PPP1CB: variants seen among roughly 807,000 people sequenced by gnomAD.
PPP1CB encodes serine/threonine-protein phosphatase PP1-beta catalytic subunit.
A neutral mutation model predicts 43.7 loss-of-function variants in PPP1CB; 2 were observed. The ratio of observed to expected loss-of-function variants is 0.05; its 90% confidence interval spans 0.02 to 0.14. PPP1CB has a LOEUF of 0.14. Ranked by LOEUF, PPP1CB falls within the 10% of genes least tolerant of loss-of-function variation. PPP1CB has a pLI of 1.00. For synonymous variants in PPP1CB, 136 were observed against 135.6 expected, an observed-to-expected ratio of 1.00 and a Z score of -0.02; for missense variants, 84 against 398.0, an observed-to-expected ratio of 0.21 and a Z score of 6.71.
intron 1 of PPP1CB, among the ~76,000 whole-genome samples, chr2:28,770,799 A>C (rs1037842552): frequency 6.6e-6 from 1 of 152,200 alleles, no homozygotes; most frequent in African/African-American, 2.4e-5. Context: ...AATATGTATG[A>C]AACATTTACT....
At chr2:28,780,588 A>G (rs555535425) in intron 3 of PPP1CB, among the ~76,000 whole-genome samples, 69 of 152,290 alleles carry the variant, frequency 4.5e-4, no homozygotes, top group Non-Finnish European at 8.8e-4. Context: ...AAGATAGGCA[A>G]GAATGTCTTT....
At chr2:28,782,009 T>A in intron 4 of PPP1CB, 167 bp downstream of exon 4, 2 of 654,656 alleles carry the variant, frequency 3.1e-6, no homozygotes, top group Non-Finnish European at 5.4e-6. Context: ...TAGAAATTTA[T>A]TTATAAATGA....
intron 1 of PPP1CB, among the ~76,000 whole-genome samples, chr2:28,774,024 GT>G (rs998732630): frequency 4.6e-5 from 7 of 152,278 alleles, no homozygotes; most frequent in African/African-American, 1.7e-4. Flanking sequence ...AATATAAAAA[GT>G]TTCTGTGCAG....
intron 1 of PPP1CB, among the ~76,000 whole-genome samples, chr2:28,758,112 A>G (rs1177899897): frequency 6.7e-6 from 1 of 150,254 alleles, no homozygotes; most frequent in Non-Finnish European, 1.5e-5. Context: ...TGGCATGAAC[A>G]TGGCTCACCT....
chr2:28,793,377 C>T (rs897735202), intron 6 of PPP1CB, among the ~76,000 whole-genome samples: 2 of 143,438 alleles, frequency 1.4e-5, no homozygotes, highest in African/African-American at 5.0e-5. Flanking sequence ...AAGAAGTAAG[C>T]TCTTCGCAAA....
Position 28,781,808 on chromosome 2 carries a change from C to T in PPP1CB, c.486C>T (p.Ala162=). ...TDCFNCLPIA[A]IVDEKIFCCH... is the part of the protein sequence containing the mutation. Reference sequence around the variant, plus strand: ...GTTTTAACTGTCTGCCTATAGCAGCCATTGTGGATGAGAAGATCTTCTGTT... The same window carrying T: ...GTTTTAACTGTCTGCCTATAGCAGCTATTGTGGATGAGAAGATCTTCTGTT... Residue 162 remains alanine, a synonymous_variant, in exon 4 of 8, where the codon GCC becomes GCT. Coordinates refer to ENST00000395366, the MANE Select transcript of PPP1CB (RefSeq NM_002709.3). 6.2e-7 allele frequency: 1 copy of T among 1,612,646 alleles called. No homozygotes were observed. Among genetic ancestry groups the T allele is most frequent in the Non-Finnish European group, 8.5e-7 (1 of 1,179,282 alleles).
At chr2:28,783,580 A>G (rs1334006705) in intron 4 of PPP1CB, among the ~76,000 whole-genome samples, 1 of 152,098 alleles carries the variant, frequency 6.6e-6, no homozygotes, top group Non-Finnish European at 1.5e-5. Flanking sequence ...ACATGGTGAA[A>G]CCCCGTCTCT....
chr2:28,793,769 G>A (rs1444008626), intron 6 of PPP1CB, 94 bp from the exon 7 acceptor site: 2 of 1,383,846 alleles, frequency 1.4e-6, no homozygotes, highest in Non-Finnish European at 2.0e-6. Context: ...GGGTGAGGTG[G>A]GGCACAGTCT....
At chr2:28,773,173 A>T (rs909994889) in intron 1 of PPP1CB, among the ~76,000 whole-genome samples, 1 of 152,230 alleles carries the variant, frequency 6.6e-6, no homozygotes, top group Non-Finnish European at 1.5e-5. Flanking sequence ...CCATAAAGTT[A>T]GTATACTATA....
In PPP1CB at chr2:28,791,643, T is replaced by TATAA. The variant is rs757970806; in HGVS notation, c.745-2219_745-2218insTAAA. 2.4e-4 allele frequency among the ~76,000 whole-genome samples: 37 copies of TATAA among 152,334 alleles called. No homozygotes were observed. In the East Asian group the frequency reaches 6.6e-3, roughly 27 times the overall value. On this transcript the variant is annotated intron_variant, in intron 6 of 7. Coordinates refer to ENST00000395366, the MANE Select transcript of PPP1CB (RefSeq NM_002709.3). ...TCGCCCGGCCTGACAAATAGTTTTT[T>TATAA]AAATCAGTAAAACTGTGTTTATGAT... is the stretch of plus-strand genomic sequence containing the variant.
At chr2:28,799,095 G>T in intron 7 of PPP1CB, 104 bp from the exon 8 acceptor site, 1 of 730,250 alleles carries the variant, frequency 1.4e-6, no homozygotes, top group Non-Finnish European at 2.3e-6. Flanking sequence ...CATTTTTATT[G>T]CATTTTTGCA....
intron 6 of PPP1CB, among the ~76,000 whole-genome samples, chr2:28,792,491 C>T (rs1312913009): frequency 6.6e-6 from 1 of 152,156 alleles, no homozygotes; most frequent in African/African-American, 2.4e-5. Context: ...CACTACACTC[C>T]AGCCTAGGCA....
chr2:28,779,644 C>T (rs1056250863), intron 3 of PPP1CB, among the ~76,000 whole-genome samples: 3 of 151,992 alleles, frequency 2.0e-5, no homozygotes, highest in South Asian at 2.1e-4. Context: ...TATTAGAATA[C>T]GGGAGTAAGT....
chr2:28,788,953 G>C, intron 6 of PPP1CB, 144 bp downstream of exon 6: 2 of 797,794 alleles, frequency 2.5e-6, no homozygotes, highest in Non-Finnish European at 3.8e-6. Context: ...TGCCTCCCGG[G>C]TTCAGGCAGT....
intron 2 of PPP1CB, chr2:28,778,413 C>T (rs1321493597): frequency 6.3e-6 from 3 of 472,614 alleles, no homozygotes; most frequent in East Asian, 1.4e-4. Context: ...CCAATTAAGG[C>T]GTGATCTCGG....
At position 28,751,885 on chromosome 2, in the gene PPP1CB, C is replaced by A; in HGVS notation, c.-240C>A. On this transcript the variant is annotated 5_prime_UTR_variant, in exon 1 of 8. It adds an upstream start codon to the 5' untranslated region. Transcript: ENST00000395366. ...GTGGCGGCCTGGGTCTGACGCGGCC[C>A]TGTTCGAGGGGGCCTCTCTTGTTTA... 1.7e-6 allele frequency: 1 copy of A among 584,898 alleles called. No homozygotes were observed. Among genetic ancestry groups the A allele is most frequent in the Non-Finnish European group, 3.1e-6 (1 of 321,946 alleles). The allele number at this position is 584,898 out of a possible 1,614,324, so 36.2% of individuals were successfully genotyped here. A position where few individuals can be genotyped will look rare whatever the true frequency, so the allele number is the denominator to read the frequency against.
chr2:28,772,039 A>T (rs1201278169), intron 1 of PPP1CB, among the ~76,000 whole-genome samples: 1 of 151,944 alleles, frequency 6.6e-6, no homozygotes, highest in Non-Finnish European at 1.5e-5. Context: ...CTCAATGGCC[A>T]GGTGCAGTGG....
chr2:28,777,634 ATGTT>A (rs974849676), intron 2 of PPP1CB, among the ~76,000 whole-genome samples: 7 of 152,148 alleles, frequency 4.6e-5, no homozygotes, highest in African/African-American at 1.7e-4. Context: ...CGCTAAGTAA[ATGTT>A]TGTTTTTTGT....
chr2:28,789,586 G>C (rs1667343501), intron 6 of PPP1CB, among the ~76,000 whole-genome samples: 1 of 144,286 alleles, frequency 6.9e-6, no homozygotes, highest in Non-Finnish European at 1.5e-5. Flanking sequence ...TTGTAGATAT[G>C]ATTTAGATTT....
Sources: gnomAD v4.1 joint callset for allele counts (sites outside exome capture counted in the v4.1 genomes callset) on GRCh38, gnomAD v4.1.1 for gene constraint, MANE v1.5 for transcripts, NCBI Gene and HGNC (gene_info 2026-07-23, HGNC 2026-07-21) for gene names.